Variants in CDCA2 observed in about 807,000 individuals in gnomAD.
The protein encoded by CDCA2 is cell division cycle associated 2, also known as cell division cycle-associated protein 2.
A neutral mutation model predicts 67.0 loss-of-function variants in CDCA2; 44 were observed. The ratio of observed to expected loss-of-function variants is 0.66; its 90% CI spans 0.52 to 0.84. CDCA2 has a LOEUF of 0.84. Ranked by LOEUF, CDCA2 falls within the 40% of genes least tolerant of loss-of-function variation. CDCA2 has a pLI of 0.00. For missense variants in CDCA2, 1,253 were observed against 1,203.2 expected (o/e 1.04, Z -0.61); for synonymous variants, 447 against 418.7 (o/e 1.07, Z -0.82).
chr8:25,475,737 T>A (rs984014302), intron 7 of CDCA2, among the ~76,000 whole-genome samples: 1 of 152,144 alleles, frequency 6.6e-6, no homozygotes, highest in Non-Finnish European at 1.5e-5. Context: ...TCCTGCAGTT[T>A]AATACTGCTG....
rs140974480 is a variant in CDCA2 at position 25,484,003 on chromosome 8, T to C, written c.1158T>C (p.Asn386=). ...EENFEAPAFL[N]MRKRKRVTFG... is the part of the protein sequence containing the mutation. ...ATTTTGAAGCACCTGCCTTTCTAAA[T>C]ATGAGGAAGAGGAAGAGAGTTACTT... Residue 386 remains asparagine (N), a synonymous_variant, in exon 10 of 15, where the codon AAT becomes AAC. Coordinates refer to ENST00000330560, the MANE Select transcript of CDCA2 (RefSeq NM_152562.4). 6.2e-7 allele frequency: 1 copy of C among 1,614,136 alleles called. No homozygotes were observed. The highest frequency in any genetic ancestry group is 1.7e-5 in the Admixed American group (1 of 60,024).
At position 25,484,120 on chromosome 8, in the gene CDCA2, C is replaced by T. The variant is rs765036789; in HGVS notation, c.1275C>T (p.Asp425=). ...RKGGTPVCKK[D]FSGLSSLLLE... is the part of the protein sequence containing the mutation. ...GAGGAACACCTGTTTGTAAAAAAGA[C>T]TTCAGTGGTCTCAGTTCCCTGCTGC... Residue 425 remains aspartate (D), a synonymous_variant, in exon 10 of 15, where the codon GAC becomes GAT. Transcript: ENST00000330560. 6.2e-7 allele frequency: 1 copy of T among 1,614,190 alleles called. No individual in the cohort carries two copies. The highest frequency in any genetic ancestry group is 1.3e-5 in the African/African-American group (1 of 75,046).
chr8:25,499,467 C>A (rs1029236036), intron 13 of CDCA2, among the ~76,000 whole-genome samples: 1 of 151,772 alleles, frequency 6.6e-6, no homozygotes, highest in African/African-American at 2.4e-5. Context: ...CCACACCCAG[C>A]TAATTTTTGT....
chr8:25,501,677 C>T (rs1804482767), intron 13 of CDCA2, among the ~76,000 whole-genome samples: 1 of 152,190 alleles, frequency 6.6e-6, no homozygotes. Flanking sequence ...TGGAGCCGAT[C>T]TTGAACACCT....
At chr8:25,502,045 G>A (rs936042651) in intron 13 of CDCA2, among the ~76,000 whole-genome samples, 3 of 151,976 alleles carry the variant, frequency 2.0e-5, no homozygotes, top group Non-Finnish European at 4.4e-5. Context: ...CTACAGGTGC[G>A]CACCACCACG....
intron 7 of CDCA2, among the ~76,000 whole-genome samples, chr8:25,478,062 G>C (rs1803419450): frequency 6.6e-6 from 1 of 151,530 alleles, no homozygotes; most frequent in Non-Finnish European, 1.5e-5. Context: ...AAGTAGCTGG[G>C]ACCACAGGTG....
chr8:25,492,263 T>C (rs180822465), intron 13 of CDCA2, among the ~76,000 whole-genome samples: 2 of 152,316 alleles, frequency 1.3e-5, no homozygotes, highest in Non-Finnish European at 2.9e-5. Flanking sequence ...AAAGTTATTT[T>C]TCTTTGGATG....
intron 6 of CDCA2, among the ~76,000 whole-genome samples, chr8:25,469,449 G>C (rs1428653057): frequency 3.3e-5 from 5 of 152,190 alleles, no homozygotes; most frequent in Non-Finnish European, 7.3e-5. Context: ...TTCTGAATTA[G>C]TGTGAATGTG....
intron 13 of CDCA2, among the ~76,000 whole-genome samples, chr8:25,502,737 A>G (rs1347380178): frequency 6.6e-6 from 1 of 152,074 alleles, no homozygotes; most frequent in Admixed American, 6.6e-5. Flanking sequence ...TCATGACATT[A>G]TATCTGTGCA....
chr8:25,506,574 G>C lies in CDCA2; in HGVS notation c.1908G>C (p.Lys636Asn), dbSNP rs746981633. The C allele has an allele frequency of 6.2e-6, 10 of 1,602,238 alleles. No individual in the cohort carries two copies. In the Admixed American group the frequency reaches 1.8e-4, roughly 28 times the overall value. The part of the protein sequence containing the change: ...VKTPKNPVKR[K>N]DLLRHDPDLH... ...CTCCTAAAAATCCAGTGAAAAGAAA[G>C]GATCTTTTGCGTCATGACCCAGATT... Residue 636 changes from lysine to asparagine, a missense_variant, in exon 15 of 15, where the codon AAG (lysine) becomes AAC (asparagine). Lys to Asn is a moderately conservative substitution (Grantham distance 94). Transcript: ENST00000330560.
intron 6 of CDCA2, among the ~76,000 whole-genome samples, chr8:25,469,536 AC>A (rs1017305531): frequency 4.2e-4 from 64 of 152,272 alleles, no homozygotes; most frequent in African/African-American, 1.5e-3. Context: ...AATTATATAA[AC>A]TTTATTTTGA....
intron 13 of CDCA2, among the ~76,000 whole-genome samples, chr8:25,501,517 A>G (rs976567456): frequency 3.9e-5 from 6 of 152,246 alleles, no homozygotes. Flanking sequence ...GTCTTGCTGC[A>G]TGCAGCCCTG....
intron 11 of CDCA2, among the ~76,000 whole-genome samples, chr8:25,486,443 T>G (rs78253069): frequency 1.3e-5 from 2 of 152,144 alleles, no homozygotes; most frequent in African/African-American, 4.8e-5. Flanking sequence ...AGCTAAAATT[T>G]GAATCACAGT....
chr8:25,498,453 A>ACCGC (rs375231236), intron 13 of CDCA2, among the ~76,000 whole-genome samples: 3 of 76,612 alleles, frequency 3.9e-5, no homozygotes, highest in African/African-American at 8.8e-5. Flanking sequence ...GGTAATCTGC[A>ACCGC]CCCCCCCCCC....
chr8:25,487,635 A>G (rs1056696255), intron 12 of CDCA2, among the ~76,000 whole-genome samples: 1 of 151,988 alleles, frequency 6.6e-6, no homozygotes, highest in East Asian at 1.9e-4. Context: ...CCCAGCTACT[A>G]GGGAGGCTGA....
chr8:25,471,536 G>A (rs1163088533), intron 7 of CDCA2, among the ~76,000 whole-genome samples: 2 of 151,980 alleles, frequency 1.3e-5, no homozygotes, highest in Non-Finnish European at 2.9e-5. Flanking sequence ...TGAGTTTTTT[G>A]TATTTTCAGT....
intron 8 of CDCA2, among the ~76,000 whole-genome samples, chr8:25,483,018 A>G (rs1013814465): frequency 1.3e-5 from 2 of 152,192 alleles, no homozygotes; most frequent in Admixed American, 1.3e-4. Context: ...GCATCCGTGG[A>G]TTTTGGTATC....
At chr8:25,505,359 G>A (rs142622170) in intron 14 of CDCA2, among the ~76,000 whole-genome samples, 7,005 of 152,134 alleles carry the variant, frequency 0.046, 208 homozygotes, top group South Asian at 0.13. Flanking sequence ...GCGCCACCAT[G>A]CCTGGCTAAT....
chr8:25,485,808 A>G lies in CDCA2; in HGVS notation c.1415A>G (p.Asn472Ser). 1 of 1,606,192 alleles carries G rather than the reference A, an allele frequency of 6.2e-7. No individual in the cohort carries two copies. Among genetic ancestry groups the G allele is most frequent in the Non-Finnish European group, 8.5e-7 (1 of 1,175,366 alleles). Residue 472 changes from asparagine (N) to serine (S), a missense_variant, in exon 11 of 15, where the codon AAT becomes AGT. Physicochemically the swap from Asn to Ser is conservative, Grantham distance 46. Coordinates refer to ENST00000330560, the MANE Select transcript of CDCA2 (RefSeq NM_152562.4). Reference protein sequence around the residue: ...QVSFAVLSSPNKSSISETLSG... With the variant: ...QVSFAVLSSPSKSSISETLSG... ...TCATTTGCCGTTCTCAGTTCTCCTA[A>G]TAAATCATCAATCTCTGAGACCCTT...
Sources: allele counts gnomAD v4.1 joint callset (sites outside exome capture counted in the v4.1 genomes callset), GRCh38; gene constraint gnomAD v4.1.1; transcripts MANE v1.5; gene names NCBI Gene and HGNC (gene_info 2026-07-23, HGNC 2026-07-21).